Variants in STX2 observed in about 807,000 individuals in gnomAD.
The protein encoded by STX2 is syntaxin 2, also known as syntaxin-2.
In STX2, 27 loss-of-function variants were observed where a neutral mutation model predicts 40.6. The observed-to-expected ratio is 0.66, with a 90% CI of 0.49 to 0.92. STX2 has a LOEUF of 0.92. Ranked by LOEUF, STX2 falls within the 40% of genes least tolerant of loss-of-function variation. The pLI, the probability that STX2 is intolerant of heterozygous loss-of-function variation, is 0.00. For synonymous variants in STX2, 123 were observed against 119.1 expected (o/e 1.03, Z -0.22); for missense variants, 328 against 366.1 (o/e 0.90, Z 0.85).
chr12:130,829,558 T>C (rs1952477628), intron 1 of STX2, among the ~76,000 whole-genome samples: 1 of 152,162 alleles, frequency 6.6e-6, no homozygotes, highest in Non-Finnish European at 1.5e-5. Context: ...CAGACTCCCC[T>C]TGCGGGGGAC....
intron 1 of STX2, among the ~76,000 whole-genome samples, chr12:130,829,808 T>G (rs540011593): frequency 1.3e-5 from 2 of 152,230 alleles, no homozygotes; most frequent in South Asian, 4.2e-4. Context: ...TGACTGACTG[T>G]GCATTCACCC....
chr12:130,838,820 C>T (rs907239943), intron 1 of STX2, among the ~76,000 whole-genome samples: 2 of 152,002 alleles, frequency 1.3e-5, no homozygotes, highest in African/African-American at 4.8e-5. Context: ...GAGGACTCCG[C>T]CCAGGAAGCC....
chr12:130,807,585 C>T (rs549264797), intron 5 of STX2, among the ~76,000 whole-genome samples: 143 of 151,806 alleles, frequency 9.4e-4, no homozygotes, highest in African/African-American at 3.3e-3. Flanking sequence ...CCCCAGAGCC[C>T]GCGTGCTTCA....
chr12:130,812,870 T>G (rs776270725), intron 4 of STX2, 87 bp downstream of exon 4: 5 of 940,026 alleles, frequency 5.3e-6, no homozygotes, highest in Non-Finnish European at 8.2e-6. Context: ...TTTTTAAAAA[T>G]GTAAAAGAAC....
chr12:130,823,758 G>C (rs1206701282), intron 2 of STX2, among the ~76,000 whole-genome samples: 1 of 152,226 alleles, frequency 6.6e-6, no homozygotes, highest in Non-Finnish European at 1.5e-5. Flanking sequence ...TACAGCAGCA[G>C]CAGGAAACTG....
At chr12:130,804,525 G>A (rs551540694) in intron 6 of STX2, among the ~76,000 whole-genome samples, 13 of 152,190 alleles carry the variant, frequency 8.5e-5, no homozygotes, top group Admixed American at 3.3e-4. Flanking sequence ...GGCTGCACAC[G>A]TTCTACCCTG....
At position 130,813,494 on chromosome 12, in the gene STX2, G is replaced by A. The variant is rs187482987; in HGVS notation, c.206-463C>T. ...GTGCTGTCAGCTGTCTCCCCAAAAC[G>A]CCCGAATAATCACAGCCACCACTTC... is the stretch of plus-strand genomic sequence containing the variant. On this transcript the variant is annotated intron_variant, in intron 3 of 10. Transcript: ENST00000392373. 7.8e-4 allele frequency among the ~76,000 whole-genome samples: 119 copies of A among 152,266 alleles called. 1 individual carries two copies. Among genetic ancestry groups the A allele is most frequent in the African/African-American group, 2.6e-3 (108 of 41,538 alleles).
intron 3 of STX2, among the ~76,000 whole-genome samples, chr12:130,820,442 G>A (rs535851697): frequency 6.6e-6 from 1 of 152,270 alleles, no homozygotes; most frequent in East Asian, 1.9e-4. Context: ...CGAGGCAGGT[G>A]GATCACAAAA....
At chr12:130,810,161 T>C (rs574391617) in intron 4 of STX2, among the ~76,000 whole-genome samples, 1 of 152,346 alleles carries the variant, frequency 6.6e-6, no homozygotes, top group African/African-American at 2.4e-5. Context: ...GGCATAATTA[T>C]TTTGAGTCTG....
intron 1 of STX2, among the ~76,000 whole-genome samples, chr12:130,828,056 G>A (rs1280387992): frequency 6.6e-6 from 1 of 152,166 alleles, no homozygotes; most frequent in African/African-American, 2.4e-5. Context: ...GCTTGTCTCA[G>A]TCTCTGCCTC....
At chr12:130,810,382 C>T (rs550988686) in intron 4 of STX2, among the ~76,000 whole-genome samples, 1 of 152,210 alleles carries the variant, frequency 6.6e-6, no homozygotes, top group African/African-American at 2.4e-5. Context: ...AAATCTTAGC[C>T]CAGTCCACTG....
chr12:130,823,496 G>A (rs767581729), intron 2 of STX2, among the ~76,000 whole-genome samples: 7 of 152,188 alleles, frequency 4.6e-5, no homozygotes, highest in Non-Finnish European at 8.8e-5. Context: ...CGTAACCACA[G>A]GATTCCTTAT....
rs142986003 is a variant in STX2 at position 130,833,452 on chromosome 12, C to T, written c.30+5618G>A. ...TTGAGATGGATTCCCACTCTGTTAG[C>T]CAGGCTAGAGTGCAGTGGCAGGATC... On this transcript the variant is annotated intron_variant, in intron 1 of 10. Coordinates refer to ENST00000392373, the MANE Select transcript of STX2 (RefSeq NM_194356.4). 1.6e-3 allele frequency among the ~76,000 whole-genome samples: 245 copies of T among 150,098 alleles called. 4 individuals are homozygous for T. The East Asian group carries it at 0.043, about 26-fold the overall frequency.
rs537975808 is a variant in STX2 at position 130,829,665 on chromosome 12, G to A, written c.31-2398C>T. On this transcript the variant is annotated intron_variant, in intron 1 of 10. Coordinates refer to ENST00000392373, the MANE Select transcript of STX2 (RefSeq NM_194356.4). Reference sequence around the variant, plus strand: ...CTCCCTGTCTCCAAGTGCTCACTTGGGCATTAAATCCCACTAGCTGGGCAC... The same window carrying A: ...CTCCCTGTCTCCAAGTGCTCACTTGAGCATTAAATCCCACTAGCTGGGCAC... Among the ~76,000 whole-genome samples the A allele has an allele frequency of 3.9e-5, 6 of 152,346 alleles. No individual in the cohort carries two copies. The South Asian group carries it at 1.2e-3, about 32-fold the overall frequency.
chr12:130,796,651 C>T (rs540956400), intron 9 of STX2, among the ~76,000 whole-genome samples: 4 of 152,282 alleles, frequency 2.6e-5, no homozygotes, highest in East Asian at 1.9e-4. Flanking sequence ...CAGGTTTCAT[C>T]CATGGGGACA....
rs757967609 is a variant in STX2, at chr12:130,839,063, C to T, written c.30+7G>A. The T allele has an allele frequency of 1.5e-6, 2 of 1,342,072 alleles. No individual in the cohort carries two copies. The highest frequency in any genetic ancestry group is 1.9e-6 in the Non-Finnish European group (2 of 1,043,780). 83.1% of individuals were successfully genotyped at this position (1,342,072 alleles called of 1,614,324 possible). A position where few individuals can be genotyped will look rare whatever the true frequency, so the allele number is the denominator to read the frequency against. ...GGCCTGAACCGCTACCCGCGGCTGC[C>T]GCTCACCGCCGTCAGGTCTGGCAGC... On this transcript the variant is annotated splice_region_variant and intron_variant, in intron 1 of 10. Coordinates refer to ENST00000392373, the MANE Select transcript of STX2 (RefSeq NM_194356.4).
Position 130,798,655 on chromosome 12 carries a change from A to G in STX2, c.676-20T>C, listed in dbSNP as rs1489048352. 2.6e-6 allele frequency: 4 copies of G among 1,561,248 alleles called. No homozygotes were observed. The Admixed American group carries it at 8.1e-5, about 31-fold the overall frequency. ...TTCACCCTTAAAACAAAAAGTTTCA[A>G]ACTTAGAAGACATTTTCAAATGGCT... is the stretch of plus-strand genomic sequence containing the variant. On this transcript the variant is annotated intron_variant, in intron 8 of 10. Coordinates refer to ENST00000392373, the MANE Select transcript of STX2 (RefSeq NM_194356.4).
intron 3 of STX2, among the ~76,000 whole-genome samples, chr12:130,819,808 A>G (rs556039962): frequency 6.6e-6 from 1 of 152,284 alleles, no homozygotes; most frequent in African/African-American, 2.4e-5. Flanking sequence ...GGGTACTGCA[A>G]CTTCCCAAGA....
At chr12:130,811,178 C>T (rs574131644) in intron 4 of STX2, among the ~76,000 whole-genome samples, 5 of 151,928 alleles carry the variant, frequency 3.3e-5, no homozygotes, top group South Asian at 2.1e-4. Flanking sequence ...GCCAACATGG[C>T]GAAACCCCAT....
Sources: allele counts gnomAD v4.1 joint callset (sites outside exome capture counted in the v4.1 genomes callset), GRCh38; gene constraint gnomAD v4.1.1; transcripts MANE v1.5; gene names NCBI Gene and HGNC (gene_info 2026-07-23, HGNC 2026-07-21).